KIAA1671: variants seen among roughly 807,000 people sequenced by gnomAD.
KIAA1671 encodes uncharacterized protein KIAA1671.
In KIAA1671, 52 loss-of-function variants were observed where a neutral mutation model predicts 131.2. The observed-to-expected ratio is 0.40, with a 90% CI of 0.32 to 0.50. KIAA1671 has a LOEUF of 0.50. Ranked by LOEUF, KIAA1671 falls within the 20% of genes least tolerant of loss-of-function variation. KIAA1671 has a pLI of 0.73. For synonymous variants in KIAA1671, 1,003 were observed against 961.6 expected (o/e 1.04, Z -0.80); for missense variants, 2,360 against 2,364.2 (o/e 1.00, Z 0.04).
chr22:25,184,482 A>G (rs1934403435), intron 10 of KIAA1671, among the ~76,000 whole-genome samples: 1 of 152,232 alleles, frequency 6.6e-6, no homozygotes, highest in Non-Finnish European at 1.5e-5. Context: ...AGGTCCCGCA[A>G]GGGAACTTTA....
chr22:25,154,764 C>G (rs1933172081), intron 6 of KIAA1671, among the ~76,000 whole-genome samples: 1 of 152,208 alleles, frequency 6.6e-6, no homozygotes, highest in African/African-American at 2.4e-5. Context: ...CTGCGAGGTC[C>G]CCAACTCCAG....
At chr22:25,180,493 G>A (rs185914032) in intron 9 of KIAA1671, among the ~76,000 whole-genome samples, 19 of 152,064 alleles carry the variant, frequency 1.2e-4, no homozygotes, top group Admixed American at 1.0e-3. Context: ...AGCCGAGATC[G>A]TGCCACTGCA....
chr22:25,093,788 C>CTCTG (rs1930216035), intron 6 of KIAA1671, among the ~76,000 whole-genome samples: 1 of 94,664 alleles, frequency 1.1e-5, no homozygotes, highest in Admixed American at 9.8e-5. Flanking sequence ...CTCTCTCTCT[C>CTCTG]TCTCTCTCTC....
At chr22:25,046,316 G>A (rs28566757) in intron 5 of KIAA1671, among the ~76,000 whole-genome samples, 15,599 of 142,300 alleles carry the variant, frequency 0.11, 831 homozygotes, top group African/African-American at 0.13. Context: ...GAAAAAAAAA[G>A]AAGAAGAAAA....
chr22:25,093,148 C>T (rs1384976488), intron 6 of KIAA1671, among the ~76,000 whole-genome samples: 1 of 152,198 alleles, frequency 6.6e-6, no homozygotes, highest in Non-Finnish European at 1.5e-5. Flanking sequence ...CTCACACAAA[C>T]CCTACAAAGC....
chr22:25,034,804 C>A (rs1164921967), intron 4 of KIAA1671, among the ~76,000 whole-genome samples: 1 of 152,034 alleles, frequency 6.6e-6, no homozygotes, highest in Non-Finnish European at 1.5e-5. Flanking sequence ...ATGGCGCGAT[C>A]TCGGCTCACT....
At chr22:25,062,794 T>G (rs1928230238) in intron 6 of KIAA1671, 2 of 144,452 alleles carry the variant, frequency 1.4e-5, no homozygotes, top group Non-Finnish European at 1.5e-5. Context: ...GTGTTTGCTG[T>G]TCCCCCCCTC....
chr22:25,174,676 G>A, intron 8 of KIAA1671, 187 bp downstream of exon 8: 6 of 585,826 alleles, frequency 1.0e-5, no homozygotes, highest in Non-Finnish European at 1.7e-5. Context: ...TGTGTCTTGG[G>A]GCAAATGTCT....
intron 1 of KIAA1671, among the ~76,000 whole-genome samples, chr22:25,017,170 G>A (rs994048718): frequency 2.0e-5 from 3 of 152,140 alleles, no homozygotes; most frequent in African/African-American, 7.2e-5. Context: ...ATCACCTGAG[G>A]TCAGGAGTTC....
chr22:25,049,080 T>A, intron 5 of KIAA1671, 150 bp from the exon 6 acceptor site: 1 of 962,438 alleles, frequency 1.0e-6, no homozygotes, highest in East Asian at 2.7e-5. Flanking sequence ...GCCCTACATG[T>A]TACCTCTGAT....
intron 6 of KIAA1671, chr22:25,065,052 A>G (rs543396075): frequency 1.3e-5 from 2 of 152,266 alleles, no homozygotes; most frequent in Non-Finnish European, 2.9e-5. Flanking sequence ...ACAGAAGGAA[A>G]AGGAATTCCT....
intron 5 of KIAA1671, among the ~76,000 whole-genome samples, chr22:25,047,010 A>T (rs1362443666): frequency 1.4e-5 from 2 of 146,636 alleles, no homozygotes; most frequent in African/African-American, 5.1e-5. Context: ...TCACTCTGTC[A>T]CTCAGGCTGG....
rs377473590 is a variant in KIAA1671 at position 25,056,589 on chromosome 22, C to G, written c.4530+7225C>G. On this transcript the variant is annotated intron_variant, in intron 6 of 12. Coordinates refer to ENST00000358431, the MANE Select transcript of KIAA1671 (RefSeq NM_001145206.2). The stretch of plus-strand genomic sequence containing the variant: ...ATCCCAGCACTTTGGGAGACCGAGG[C>G]GGGGTGGATCATGAGGTCAGGAGAT... 2 of 148,366 alleles carry G rather than the reference C, an allele frequency of 1.3e-5. 1 individual carries two copies. Among genetic ancestry groups the G allele is most frequent in the Non-Finnish European group, 3.0e-5 (2 of 66,878 alleles). The allele number at this position is 148,366 out of a possible 1,614,324, so 9.2% of individuals were successfully genotyped here.
rs1927403722 is a variant in KIAA1671 at position 25,049,245 on chromosome 22, C to G, written c.4411C>G (p.Leu1471Val). 1 of 1,551,958 alleles carries G rather than the reference C, an allele frequency of 6.4e-7. No individual in the cohort carries two copies. The highest frequency in any genetic ancestry group is 8.7e-7 in the Non-Finnish European group (1 of 1,146,916). The change falls in exon 6 of 13, where the codon CTG (leucine) becomes GTG (valine). Residue 1471 changes from leucine (L) to valine (V), a missense_variant. Leu to Val is a conservative substitution (Grantham distance 32, BLOSUM62 1). This residue lies in a region of KIAA1671 where 1,161 missense variants were observed against 1,204.7 expected (regional missense o/e 0.96). Coordinates refer to ENST00000358431, the MANE Select transcript of KIAA1671 (RefSeq NM_001145206.2). Reference sequence around the variant, plus strand: ...TGTGTTTCAGGTGCTGCCACGGGACCTGGAGAAGGAGGATGCCCCCCAGGA... The same window carrying G: ...TGTGTTTCAGGTGCTGCCACGGGACGTGGAGAAGGAGGATGCCCCCCAGGA... ...GDSHKVLPRD[L>V]EKEDAPQEKE...
intron 6 of KIAA1671, among the ~76,000 whole-genome samples, chr22:25,085,531 C>T (rs1240596689): frequency 3.3e-5 from 5 of 150,384 alleles, no homozygotes; most frequent in African/African-American, 7.3e-5. Context: ...ACCCCCTGTC[C>T]GTCCTGCGGC....
intron 6 of KIAA1671, among the ~76,000 whole-genome samples, chr22:25,152,016 T>C (rs984785896): frequency 6.6e-6 from 1 of 152,200 alleles, no homozygotes; most frequent in African/African-American, 2.4e-5. Context: ...TGGATTCTTT[T>C]GTAGCTAGTG....
At chr22:24,974,192 A>G (rs1237392389) in intron 1 of KIAA1671, among the ~76,000 whole-genome samples, 1 of 152,206 alleles carries the variant, frequency 6.6e-6, no homozygotes, top group East Asian at 1.9e-4. Context: ...GGGAGATAGA[A>G]CTTCTGGGTA....
chr22:25,010,223 T>C (rs9306402), intron 1 of KIAA1671: 29,373 of 151,930 alleles, frequency 0.19, 3,250 homozygotes, highest in Middle Eastern at 0.28. Flanking sequence ...CACTGTCGCT[T>C]AGGCTGGAGT....
intron 1 of KIAA1671, chr22:25,014,377 T>C (rs907781456): frequency 6.6e-6 from 1 of 152,156 alleles, no homozygotes; most frequent in African/African-American, 2.4e-5. Context: ...ATGTCAACGT[T>C]GTTGTACATC....
Sources: gnomAD v4.1 joint callset for allele counts (sites outside exome capture counted in the v4.1 genomes callset) on GRCh38, gnomAD v4.1.1 for gene constraint, gnomAD v4.1.1 regional missense constraint, MANE v1.5 for transcripts, NCBI Gene and HGNC (gene_info 2026-07-23, HGNC 2026-07-21) for gene names.